The following EXOC6B variants were observed in gnomAD, a reference collection of about 807,000 sequenced individuals.
EXOC6B encodes exocyst complex component 6B, also known as SEC15 homolog B.
Under a neutral mutation model 113.5 loss-of-function variants are expected in EXOC6B, and 54 were observed. The ratio of observed to expected loss-of-function variants is 0.48; its 90% CI spans 0.38 to 0.60. EXOC6B has a LOEUF of 0.60. Ranked by LOEUF, EXOC6B falls within the 20% of genes least tolerant of loss-of-function variation. The pLI, the probability that EXOC6B is intolerant of heterozygous loss-of-function variation, is 0.00. For synonymous variants in EXOC6B, 357 were observed against 339.0 expected, an observed-to-expected ratio of 1.05 and a Z score of -0.58; for missense variants, 797 against 977.5, an observed-to-expected ratio of 0.82 and a Z score of 2.46.
At chr2:72,765,252 A>C (rs1378574219) in intron 1 of EXOC6B, among the ~76,000 whole-genome samples, 1 of 152,028 alleles carries the variant, frequency 6.6e-6, no homozygotes, top group Non-Finnish European at 1.5e-5. Context: ...GCTCCAGTAC[A>C]CTCCAGCCAG....
In EXOC6B at chr2:72,492,307, A is replaced by T. The variant is rs1301068731; in HGVS notation, c.1665+11T>A. 6.4e-7 allele frequency: 1 copy of T among 1,560,228 alleles called. No individual in the cohort carries two copies. The highest frequency in any genetic ancestry group is 2.2e-5 in the East Asian group (1 of 44,584). ...TACTGGCTCGGCTGCCTTCATTAGG[A>T]GCAGGTTTACCTCAGTAAGCCCAAT... On this transcript the variant is annotated intron_variant, in intron 16 of 21. Coordinates refer to ENST00000272427, the MANE Select transcript of EXOC6B (RefSeq NM_015189.3).
intron 1 of EXOC6B, among the ~76,000 whole-genome samples, chr2:72,758,062 CTGAGGAGGG>C (rs1682534807): frequency 6.7e-6 from 1 of 150,114 alleles, no homozygotes; most frequent in Non-Finnish European, 1.5e-5. Context: ...GTTCAGGAGG[CTGAGGAGGG>C]AGGATCACTT....
At chr2:72,517,963 C>G (rs904553057) in intron 8 of EXOC6B, among the ~76,000 whole-genome samples, 13 of 152,098 alleles carry the variant, frequency 8.5e-5, no homozygotes, top group Non-Finnish European at 1.6e-4. Context: ...GTCTGGCTTC[C>G]CATTTACAAA....
rs558687612 is a variant in EXOC6B at position 72,796,498 on chromosome 2, T to G, written c.113+29300A>C. 5.3e-5 allele frequency among the ~76,000 whole-genome samples: 8 copies of G among 151,820 alleles called. No individual in the cohort carries two copies. In the East Asian group the frequency reaches 7.8e-4, roughly 15 times the overall value. ...CTCATAATGTTTTAACAAGCTTGGT[T>G]TACATAATCTTTTCCCCCACTAGAC... On this transcript the variant is annotated intron_variant, in intron 1 of 21. Coordinates refer to ENST00000272427, the MANE Select transcript of EXOC6B (RefSeq NM_015189.3).
At chr2:72,395,224 A>C (rs1396821969) in intron 18 of EXOC6B, among the ~76,000 whole-genome samples, 39 of 152,188 alleles carry the variant, frequency 2.6e-4, no homozygotes, top group Admixed American at 2.6e-3. Context: ...AAACCTCATA[A>C]AAAATTAAGT....
At chr2:72,632,679 T>G (rs1314035222) in intron 6 of EXOC6B, among the ~76,000 whole-genome samples, 1 of 152,096 alleles carries the variant, frequency 6.6e-6, no homozygotes, top group Non-Finnish European at 1.5e-5. Flanking sequence ...AAACACTAGC[T>G]TCTCTCAATT....
chr2:72,358,089 G>GC (rs1480150936), intron 19 of EXOC6B, among the ~76,000 whole-genome samples: 22 of 152,096 alleles, frequency 1.4e-4, no homozygotes, highest in Non-Finnish European at 2.5e-4. Flanking sequence ...TACTGTGTAA[G>GC]TCCCCTGGTA....
chr2:72,346,873 G>A (rs376282123), intron 19 of EXOC6B, among the ~76,000 whole-genome samples: 2 of 152,160 alleles, frequency 1.3e-5, no homozygotes, highest in South Asian at 2.1e-4. Context: ...GATGTTCTAC[G>A]ATTTCAACCT....
At chr2:72,682,740 C>T (rs999805830) in intron 6 of EXOC6B, among the ~76,000 whole-genome samples, 1 of 152,124 alleles carries the variant, frequency 6.6e-6, no homozygotes, top group Non-Finnish European at 1.5e-5. Context: ...AAAAGAAAAT[C>T]AGAAGGAGAA....
At chr2:72,643,339 A>G (rs1457757849) in intron 6 of EXOC6B, among the ~76,000 whole-genome samples, 7 of 147,234 alleles carry the variant, frequency 4.8e-5, no homozygotes, top group Non-Finnish European at 4.5e-5. Flanking sequence ...CATTATTCAC[A>G]ATAGCAAAGA....
intron 17 of EXOC6B, among the ~76,000 whole-genome samples, chr2:72,467,713 T>C (rs1698139620): frequency 6.6e-6 from 1 of 152,152 alleles, no homozygotes. Context: ...TCTTTATATA[T>C]TCTAGAAATG....
chr2:72,710,977 T>C (rs1445539118), intron 6 of EXOC6B, among the ~76,000 whole-genome samples: 9 of 152,172 alleles, frequency 5.9e-5, no homozygotes, highest in Non-Finnish European at 1.3e-4. Context: ...TTCCCCTTGT[T>C]AAAAGGCTCA....
intron 1 of EXOC6B, among the ~76,000 whole-genome samples, chr2:72,767,574 C>T (rs939683779): frequency 6.6e-6 from 1 of 151,208 alleles, no homozygotes. Context: ...CTTTGGGAGG[C>T]GAGGCCGGCG....
intron 20 of EXOC6B, among the ~76,000 whole-genome samples, chr2:72,202,063 G>A (rs1679524723): frequency 6.6e-6 from 1 of 152,130 alleles, no homozygotes; most frequent in Admixed American, 6.5e-5. Flanking sequence ...TTCTTGTGTG[G>A]CTAAGCAATA....
intron 7 of EXOC6B, among the ~76,000 whole-genome samples, chr2:72,568,727 T>C (rs1017732009): frequency 6.6e-6 from 1 of 151,612 alleles, no homozygotes; most frequent in Non-Finnish European, 1.5e-5. Flanking sequence ...ACAGAAGAGG[T>C]AAAATTGAGG....
At chr2:72,793,581 T>C (rs969455814) in intron 1 of EXOC6B, among the ~76,000 whole-genome samples, 1 of 152,068 alleles carries the variant, frequency 6.6e-6, no homozygotes, top group Non-Finnish European at 1.5e-5. Context: ...CTGAACTAGC[T>C]GGAGGAGTCA....
At chr2:72,529,099 A>G (rs1171824447) in intron 8 of EXOC6B, among the ~76,000 whole-genome samples, 4 of 152,258 alleles carry the variant, frequency 2.6e-5, no homozygotes, top group Admixed American at 2.6e-4. Context: ...AAAAGTTGTG[A>G]GAGCAGATAC....
intron 18 of EXOC6B, among the ~76,000 whole-genome samples, chr2:72,414,683 C>A (rs1277875027): frequency 1.3e-5 from 2 of 152,184 alleles, no homozygotes; most frequent in African/African-American, 2.4e-5. Flanking sequence ...GTGCCAACTT[C>A]TTGAGTACCC....
intron 18 of EXOC6B, among the ~76,000 whole-genome samples, chr2:72,403,919 C>T (rs1180136030): frequency 2.6e-5 from 4 of 152,162 alleles, no homozygotes; most frequent in South Asian, 2.1e-4. Flanking sequence ...GGCATCGCCT[C>T]ACCCAGGAAG....
Sources: allele counts gnomAD v4.1 joint callset (sites outside exome capture counted in the v4.1 genomes callset), GRCh38; gene constraint gnomAD v4.1.1; transcripts MANE v1.5; gene names NCBI Gene and HGNC (gene_info 2026-07-23, HGNC 2026-07-21).